Variants in SPOCK1 observed in about 807,000 individuals in gnomAD.
SPOCK1 encodes the protein testican-1.
Under a neutral mutation model 55.3 loss-of-function variants are expected in SPOCK1, and 23 were observed. The observed-to-expected ratio is 0.42, with a 90% confidence interval of 0.30 to 0.59. The LOEUF is 0.59. Ranked by LOEUF, SPOCK1 falls within the 20% of genes least tolerant of loss-of-function variation. The pLI, the probability that SPOCK1 is intolerant of heterozygous loss-of-function variation, is 0.22. For missense variants in SPOCK1, 499 were observed against 552.5 expected, an observed-to-expected ratio of 0.90 and a Z score of 0.97; for synonymous variants, 226 against 221.0, an observed-to-expected ratio of 1.02 and a Z score of -0.20.
chr5:137,012,368 G>C (rs1229090205), intron 6 of SPOCK1, among the ~76,000 whole-genome samples: 1 of 152,088 alleles, frequency 6.6e-6, no homozygotes, highest in African/African-American at 2.4e-5. Context: ...AGCACTTTGG[G>C]CATGCAGAGG....
intron 2 of SPOCK1, among the ~76,000 whole-genome samples, chr5:137,327,947 G>T (rs1230571766): frequency 6.6e-6 from 1 of 152,150 alleles, no homozygotes. Context: ...TGTTCCTACA[G>T]AGACCCCTCA....
intron 4 of SPOCK1, among the ~76,000 whole-genome samples, chr5:137,119,244 A>C (rs1753644029): frequency 6.6e-6 from 1 of 152,264 alleles, no homozygotes; most frequent in Admixed American, 6.5e-5. Context: ...CAAATCGCCT[A>C]TTCAAAAATA....
At chr5:137,495,959 T>A (rs1003098724) in intron 2 of SPOCK1, among the ~76,000 whole-genome samples, 3 of 152,226 alleles carry the variant, frequency 2.0e-5, no homozygotes, top group African/African-American at 4.8e-5. Context: ...TTTAATGGCA[T>A]GCTGGATTAA....
chr5:137,422,423 A>G (rs1729405170), intron 2 of SPOCK1, among the ~76,000 whole-genome samples: 1 of 152,220 alleles, frequency 6.6e-6, no homozygotes, highest in Non-Finnish European at 1.5e-5. Context: ...CAGGTACACC[A>G]ATCAGACGTA....
intron 3 of SPOCK1, among the ~76,000 whole-genome samples, chr5:137,256,747 C>T (rs1756642257): frequency 6.6e-6 from 1 of 152,176 alleles, no homozygotes; most frequent in African/African-American, 2.4e-5. Context: ...CTGCGAGGCA[C>T]TGCCTCCACC....
chr5:137,131,532 C>T (rs1022322186), intron 4 of SPOCK1, among the ~76,000 whole-genome samples: 3 of 151,428 alleles, frequency 2.0e-5, no homozygotes, highest in Admixed American at 6.6e-5. Flanking sequence ...CGCTTGAACC[C>T]GGGAGGTGGA....
intron 2 of SPOCK1, among the ~76,000 whole-genome samples, chr5:137,424,724 G>C (rs112666287): frequency 6.6e-6 from 1 of 152,182 alleles, no homozygotes. Flanking sequence ...ATTGTGCTAA[G>C]GGAAAGAAGC....
At chr5:137,280,964 TAAG>T (rs1359962556) in intron 2 of SPOCK1, among the ~76,000 whole-genome samples, 7 of 152,090 alleles carry the variant, frequency 4.6e-5, no homozygotes, top group East Asian at 3.9e-4. Flanking sequence ...TGACCCACTG[TAAG>T]AAGAAGAGAA....
chr5:137,392,661 T>C (rs1751750898), intron 2 of SPOCK1, among the ~76,000 whole-genome samples: 3 of 152,208 alleles, frequency 2.0e-5, no homozygotes, highest in Admixed American at 2.0e-4. Flanking sequence ...ACGAGTACTG[T>C]TCTGAGGATT....
At chr5:137,449,212 A>T in intron 2 of SPOCK1, among the ~76,000 whole-genome samples, 1 of 152,310 alleles carries the variant, frequency 6.6e-6, no homozygotes, top group Middle Eastern at 3.4e-3. Flanking sequence ...CCAAGGGCCC[A>T]ATACCTTCTG....
chr5:137,230,314 G>T (rs1389092050), intron 3 of SPOCK1, among the ~76,000 whole-genome samples: 2 of 152,064 alleles, frequency 1.3e-5, no homozygotes, highest in African/African-American at 4.8e-5. Flanking sequence ...AAGGACTTGG[G>T]GATTCTCCTT....
chr5:137,265,488 G>C lies in SPOCK1; in HGVS notation c.232+1522C>G, dbSNP rs528005268. ...TTTATCAGGCACAGACAGGGAATTTGTTGCTCTTTAACTACCAGTATTCTT... is the reference window on the plus strand; with the variant it reads ...TTTATCAGGCACAGACAGGGAATTTCTTGCTCTTTAACTACCAGTATTCTT... On this transcript the variant is annotated intron_variant, in intron 3 of 10. Transcript: ENST00000394945. 2.6e-4 allele frequency among the ~76,000 whole-genome samples: 39 copies of C among 152,288 alleles called. No homozygotes were observed. The South Asian group carries it at 4.6e-3, about 18-fold the overall frequency.
chr5:137,304,607 C>G (rs1046994349), intron 2 of SPOCK1, among the ~76,000 whole-genome samples: 24 of 152,084 alleles, frequency 1.6e-4, no homozygotes, highest in Admixed American at 1.2e-3. Context: ...ACATGGGAAA[C>G]CAGCAGGTTT....
chr5:137,075,094 C>T (rs1752729828), intron 5 of SPOCK1, among the ~76,000 whole-genome samples: 1 of 152,208 alleles, frequency 6.6e-6, no homozygotes, highest in African/African-American at 2.4e-5. Flanking sequence ...CCGCCTCATC[C>T]TCCCAAAGTG....
At chr5:137,025,510 A>G (rs1751658565) in intron 6 of SPOCK1, among the ~76,000 whole-genome samples, 1 of 152,206 alleles carries the variant, frequency 6.6e-6, no homozygotes, top group Non-Finnish European at 1.5e-5. Flanking sequence ...TATTCTAGCT[A>G]TTCTATTTAC....
rs1752823411 is a variant in SPOCK1, at chr5:137,078,812, T to C, written c.475-10983A>G. On this transcript the variant is annotated intron_variant, in intron 5 of 10. Transcript: ENST00000394945. ...ATTCTCTTCTTCCTCCAATAGCTTC[T>C]CCATGCCGGACTGATCTCTGTAAAA... is the stretch of plus-strand genomic sequence containing the variant. Among the ~76,000 whole-genome samples the C allele has an allele frequency of 5.3e-5, 8 of 152,268 alleles. No individual in the cohort carries two copies. In the South Asian group the frequency reaches 1.7e-3, roughly 32 times the overall value.
chr5:137,219,036 G>T (rs1319119379), intron 3 of SPOCK1, among the ~76,000 whole-genome samples: 1 of 152,168 alleles, frequency 6.6e-6, no homozygotes, highest in East Asian at 1.9e-4. Context: ...CATATGAGAA[G>T]AAACCTGTTT....
chr5:137,116,500 G>A (rs1052258875), intron 4 of SPOCK1, among the ~76,000 whole-genome samples: 4 of 151,858 alleles, frequency 2.6e-5, no homozygotes, highest in African/African-American at 9.7e-5. Flanking sequence ...CAAAAAATTA[G>A]CTGGCTGTGG....
chr5:137,066,983 CACACAG>C (rs1752516401), intron 6 of SPOCK1, among the ~76,000 whole-genome samples: 1 of 124,322 alleles, frequency 8.0e-6, no homozygotes, highest in African/African-American at 2.8e-5. Flanking sequence ...CACACACACA[CACACAG>C]AGAGAGAGAG....
Sources: gnomAD v4.1 joint callset for allele counts (sites outside exome capture counted in the v4.1 genomes callset) on GRCh38, gnomAD v4.1.1 for gene constraint, MANE v1.5 for transcripts, NCBI Gene and HGNC (gene_info 2026-07-23, HGNC 2026-07-21) for gene names.